HSPA14: variants seen among roughly 807,000 people sequenced by gnomAD.
HSPA14 encodes the protein heat shock 70 kDa protein 14.
HSPA14 carries 37 observed loss-of-function variants against 65.5 expected under a neutral mutation model. The observed-to-expected ratio is 0.56, with a 90% CI of 0.43 to 0.74. The LOEUF is 0.74. Ranked by LOEUF, HSPA14 falls within the 30% of genes least tolerant of loss-of-function variation. The pLI, the probability that HSPA14 is intolerant of heterozygous loss-of-function variation, is 0.00. For synonymous variants in HSPA14, 203 were observed against 214.2 expected, an observed-to-expected ratio of 0.95 and a Z score of 0.46; for missense variants, 564 against 607.6, an observed-to-expected ratio of 0.93 and a Z score of 0.75.
chr10:14,856,093 G>T (rs1045431443), intron 10 of HSPA14, 150 bp downstream of exon 10: 26 of 612,346 alleles, frequency 4.2e-5, no homozygotes, highest in Non-Finnish European at 6.6e-5. Context: ...ATGAAATTTT[G>T]ATTAATGGCT....
chr10:14,847,560 G>A (rs114917077), intron 3 of HSPA14, among the ~76,000 whole-genome samples: 49 of 152,198 alleles, frequency 3.2e-4, no homozygotes, highest in African/African-American at 1.2e-3. Context: ...TGATATTTTA[G>A]GTGACAGAGA....
chr10:14,869,160 G>A (rs902791544), intron 12 of HSPA14, among the ~76,000 whole-genome samples: 1 of 151,952 alleles, frequency 6.6e-6, no homozygotes. Flanking sequence ...TCCAGAAGCA[G>A]ACTAAAAATG....
intron 3 of HSPA14, chr10:14,843,928 G>C: frequency 6.5e-7 from 1 of 1,533,252 alleles, no homozygotes; most frequent in Non-Finnish European, 8.7e-7. Context: ...TTCCTAAACT[G>C]GTAGAAGTCT....
rs750461846 is a variant in HSPA14 at position 14,855,924 on chromosome 10, C to G, written c.974C>G (p.Thr325Arg). The change falls in exon 10 of 14, where the codon ACA becomes AGA. Residue 325 changes from threonine (T) to arginine (R), a missense_variant. Coordinates refer to ENST00000378372, the MANE Select transcript of HSPA14 (RefSeq NM_016299.4). Reference protein sequence around the residue: ...IRGLLDQNGFTADDINKVVLC... With the variant: ...IRGLLDQNGFRADDINKVVLC... ...GGACTCTTAGATCAAAATGGATTTA[C>G]AGCAGATGATATCAACAAGGTAATG... 1 of 1,576,698 alleles carries G rather than the reference C, an allele frequency of 6.3e-7. No individual in the cohort carries two copies. Among genetic ancestry groups the G allele is most frequent in the Non-Finnish European group, 8.7e-7 (1 of 1,146,562 alleles).
intron 3 of HSPA14, chr10:14,846,620 G>GT: frequency 1.0e-6 from 1 of 957,600 alleles, no homozygotes; most frequent in Non-Finnish European, 1.2e-6. Flanking sequence ...CATAACTCAG[G>GT]TTCCTCATTT....
At chr10:14,846,680 G>A (rs1834058804) in intron 3 of HSPA14, 4 of 957,444 alleles carry the variant, frequency 4.2e-6, no homozygotes, top group Non-Finnish European at 5.0e-6. Context: ...GGGGTGTTGT[G>A]AGGATCAAAG....
chr10:14,854,295 CA>C lies in HSPA14; in HGVS notation c.890+21del, dbSNP rs1564323344. 6.4e-7 allele frequency: 1 copy of C among 1,555,504 alleles called. No individual in the cohort carries two copies. The highest frequency in any genetic ancestry group is 8.7e-7 in the Non-Finnish European group (1 of 1,153,016). ...AATGTGTCCAGGTAAAACTGAAGTT[CA>C]AAAAACTTTTTTAAAAAATTCCAAG... On this transcript the variant is annotated intron_variant, in intron 9 of 13. Transcript: ENST00000378372.
intron 3 of HSPA14, among the ~76,000 whole-genome samples, chr10:14,840,960 T>G (rs1833964736): frequency 6.6e-6 from 1 of 152,210 alleles, no homozygotes; most frequent in South Asian, 2.1e-4. Flanking sequence ...TGGGTAAGAC[T>G]GCAGATCAGG....
At chr10:14,839,261 A>G (rs181599113) in intron 1 of HSPA14, among the ~76,000 whole-genome samples, 1 of 152,314 alleles carries the variant, frequency 6.6e-6, no homozygotes, top group African/African-American at 2.4e-5. Flanking sequence ...AGGGAATAAT[A>G]CTACTTCATT....
rs1047918442 is a variant in HSPA14 at position 14,871,664 on chromosome 10, A to G, written c.*58A>G. On this transcript the variant is annotated 3_prime_UTR_variant, in exon 14 of 14. Transcript: ENST00000378372. ...AGAATATCAACATTTGGTTTTGTGT[A>G]TAAGTGGTGTTTGTATTAAAATACT... The G allele has an allele frequency of 4.5e-6, 4 of 891,072 alleles. No individual in the cohort carries two copies. Among genetic ancestry groups the G allele is most frequent in the Non-Finnish European group, 7.2e-6 (4 of 554,716 alleles). 55.2% of individuals were successfully genotyped at this position (891,072 alleles called of 1,614,324 possible). A position where few individuals can be genotyped will look rare whatever the true frequency, so the allele number is the denominator to read the frequency against.
Position 14,851,139 on chromosome 10 carries a change from A to C in HSPA14, c.468-80A>C, listed in dbSNP as rs866521132. ...ATGAAATTTTAGTAGCTTTTGTATA[A>C]AATCTTTAGCAGATCATTTCTAAAA... On this transcript the variant is annotated intron_variant, in intron 6 of 13. Transcript: ENST00000378372. The C allele has an allele frequency of 6.3e-6, 5 of 791,060 alleles. No individual in the cohort carries two copies. In the Middle Eastern group the frequency reaches 1.2e-3, roughly 197 times the overall value. The allele number at this position is 791,060 out of a possible 1,614,324, so 49.0% of individuals were successfully genotyped here.
chr10:14,850,756 G>A (rs1320306791), intron 6 of HSPA14: 1 of 152,780 alleles, frequency 6.5e-6, no homozygotes, highest in East Asian at 1.9e-4. Flanking sequence ...TGTATTGAAG[G>A]TTGAATAAAT....
At chr10:14,849,434 A>G in intron 5 of HSPA14, 1 of 549,810 alleles carries the variant, frequency 1.8e-6, no homozygotes, top group Non-Finnish European at 3.6e-6. Context: ...ATGCGTTAGG[A>G]GCTTATTCTC....
intron 3 of HSPA14, chr10:14,844,198 C>T (rs1272972932): frequency 1.5e-5 from 17 of 1,162,180 alleles, no homozygotes; most frequent in South Asian, 1.0e-4. Flanking sequence ...TTTCCTCATC[C>T]GTAAAATGGG....
At chr10:14,856,916 T>G (rs1832705168) in intron 10 of HSPA14, among the ~76,000 whole-genome samples, 1 of 152,204 alleles carries the variant, frequency 6.6e-6, no homozygotes, top group African/African-American at 2.4e-5. Context: ...ATTGAAGTAG[T>G]AAGTATTCAT....
intron 10 of HSPA14, among the ~76,000 whole-genome samples, chr10:14,863,866 G>A (rs865872954): frequency 2.6e-5 from 4 of 152,212 alleles, no homozygotes; most frequent in South Asian, 2.1e-4. Flanking sequence ...AGTTACAGGG[G>A]TGGGCCCTGA....
intron 3 of HSPA14, among the ~76,000 whole-genome samples, chr10:14,847,696 C>T (rs996992965): frequency 1.3e-5 from 2 of 152,208 alleles, no homozygotes; most frequent in Non-Finnish European, 2.9e-5. Context: ...CAATTAGCCA[C>T]TATTAATTTT....
At chr10:14,851,673 T>A (rs1320736016) in intron 7 of HSPA14, among the ~76,000 whole-genome samples, 1 of 152,242 alleles carries the variant, frequency 6.6e-6, no homozygotes, top group Non-Finnish European at 1.5e-5. Flanking sequence ...GGTACTGTTA[T>A]ATACATTTGA....
At position 14,857,419 on chromosome 10, in the gene HSPA14, C is replaced by G. The variant is rs142287811; in HGVS notation, c.993+1476C>G. 2.8e-3 allele frequency among the ~76,000 whole-genome samples: 427 copies of G among 152,234 alleles called. 1 individual carries two copies. The highest frequency in any genetic ancestry group is 9.8e-3 in the African/African-American group (408 of 41,524). ...TATAAAAGTATACATTTTACTATAGCCTTGTCGACACTGAGTTATAGCATT... is the reference window on the plus strand; with the variant it reads ...TATAAAAGTATACATTTTACTATAGGCTTGTCGACACTGAGTTATAGCATT... On this transcript the variant is annotated intron_variant, in intron 10 of 13. Transcript: ENST00000378372.
Sources: allele counts gnomAD v4.1 joint callset (sites outside exome capture counted in the v4.1 genomes callset), GRCh38; gene constraint gnomAD v4.1.1; transcripts MANE v1.5; gene names NCBI Gene and HGNC (gene_info 2026-07-23, HGNC 2026-07-21).